IFITM10: variants seen among roughly 807,000 people sequenced by gnomAD.
IFITM10 encodes interferon induced transmembrane protein 10.
A neutral mutation model predicts 19.0 loss-of-function variants in IFITM10; 17 were observed. The ratio of observed to expected loss-of-function variants is 0.90; its 90% confidence interval spans 0.61 to 1.34. The LOEUF (loss-of-function observed/expected upper bound fraction) is 1.34, where lower values mean the gene tolerates loss of function less well. IFITM10 is among the 40% of genes most tolerant of loss of function. The probability of loss-of-function intolerance (pLI) is 0.00; values close to 1 mark genes in which losing one functional copy is unlikely to be tolerated. For synonymous variants in IFITM10, 148 were observed against 147.2 expected (o/e 1.01, Z -0.04); for missense variants, 306 against 319.8 (o/e 0.96, Z 0.33).
At chr11:1,743,689 C>T (rs756904157) in intron 2 of IFITM10, among the ~76,000 whole-genome samples, 6 of 152,134 alleles carry the variant, frequency 3.9e-5, no homozygotes, top group Non-Finnish European at 8.8e-5. Flanking sequence ...GCCTCCTGGG[C>T]TCACATCTAG....
Position 1,735,142 on chromosome 11 carries a change from G to A in IFITM10, c.*138C>T, listed in dbSNP as rs964259415. 5.9e-6 allele frequency: 5 copies of A among 852,902 alleles called. No individual in the cohort carries two copies. The East Asian group carries it at 1.1e-4, about 18-fold the overall frequency. 52.8% of individuals were successfully genotyped at this position (852,902 alleles called of 1,614,324 possible). A position where few individuals can be genotyped will look rare whatever the true frequency, so the allele number is the denominator to read the frequency against. ...GTACTCAGCTTCTGATGGCCTTGCT[G>A]CCCAGTTCACAGCTCAAGGGGGCCC... is the stretch of plus-strand genomic sequence containing the variant. On this transcript the variant is annotated 3_prime_UTR_variant, in exon 3 of 3. Coordinates refer to ENST00000340134, the MANE Select transcript of IFITM10 (RefSeq NM_001170820.4).
chr11:1,747,575 A>C (rs2133650412), intron 2 of IFITM10, 92 bp downstream of exon 2: 2 of 1,129,350 alleles, frequency 1.8e-6, no homozygotes, highest in East Asian at 5.1e-5. Context: ...CTCCCCTGAG[A>C]GGGAGAGGGG....
intron 2 of IFITM10, 50 bp from the exon 3 acceptor site, chr11:1,735,479 C>G (rs530011626): frequency 1.5e-5 from 23 of 1,527,366 alleles, no homozygotes; most frequent in African/African-American, 1.4e-4. Context: ...GGGAGCAGGG[C>G]CTTGGAGCAT....
chr11:1,747,856 C>T lies in IFITM10; in HGVS notation c.348G>A (p.Val116=). 6.5e-7 allele frequency: 1 copy of T among 1,540,748 alleles called. No homozygotes were observed. Among genetic ancestry groups the T allele is most frequent in the Non-Finnish European group, 8.8e-7 (1 of 1,140,818 alleles). Residue 116 remains valine, a synonymous_variant, in exon 2 of 3, where the codon GTG becomes GTA. Transcript: ENST00000340134. ...MESKSSKTDS[V]RAAGAPPACK... is the part of the protein sequence containing the mutation. ...AGGCAGGGGGCGCGCCGGCAGCCCG[C>T]ACGCTGTCGGTCTTGCTGCTCTTGG...
chr11:1,739,569 T>C (rs933639788), intron 2 of IFITM10, among the ~76,000 whole-genome samples: 4 of 152,028 alleles, frequency 2.6e-5, no homozygotes, highest in Non-Finnish European at 5.9e-5. Flanking sequence ...ATGTGCTCAG[T>C]GTGCTAAAAA....
At chr11:1,746,741 C>G (rs753060742) in intron 2 of IFITM10, 29 of 398,872 alleles carry the variant, frequency 7.3e-5, no homozygotes, top group Admixed American at 2.6e-4. Flanking sequence ...TCTTCTCCCC[C>G]ACCCGGCAGG....
At chr11:1,740,228 A>C (rs1845546674) in intron 2 of IFITM10, among the ~76,000 whole-genome samples, 1 of 138,918 alleles carries the variant, frequency 7.2e-6, no homozygotes, top group Non-Finnish European at 1.5e-5. Flanking sequence ...TGAACTCAGG[A>C]GGCGTAGGTT....
At chr11:1,742,051 A>G (rs1845574928) in intron 2 of IFITM10, among the ~76,000 whole-genome samples, 1 of 152,182 alleles carries the variant, frequency 6.6e-6, no homozygotes, top group African/African-American at 2.4e-5. Context: ...TAAACCAACT[A>G]ATCTATGATA....
intron 2 of IFITM10, among the ~76,000 whole-genome samples, chr11:1,743,939 C>T (rs1432267167): frequency 1.3e-5 from 2 of 152,216 alleles, no homozygotes; most frequent in African/African-American, 2.4e-5. Flanking sequence ...ACCGCACTGC[C>T]TCAGGCACTC....
chr11:1,738,997 T>C (rs1204238415), intron 2 of IFITM10, among the ~76,000 whole-genome samples: 1 of 130,390 alleles, frequency 7.7e-6, no homozygotes, highest in South Asian at 2.3e-4. Flanking sequence ...GAGGTTGCAG[T>C]GAGCTGAGAT....
intron 2 of IFITM10, chr11:1,745,229 T>TGCCAGCCG (rs935153356): frequency 1.3e-5 from 2 of 152,536 alleles, no homozygotes; most frequent in African/African-American, 4.8e-5. Context: ...GCCTGCCCCA[T>TGCCAGCCG]GCCAGCCGGC....
rs546327125 is a variant in IFITM10 at position 1,747,682 on chromosome 11, C to T, written c.522G>A (p.Leu174=). The change falls in exon 2 of 3, where the codon TTG becomes TTA. Residue 174 remains leucine (L), a synonymous_variant. Transcript: ENST00000340134. ...CCGGGCTCACTTTGAGGGAGTAGGC[C>T]AAGGCGATGAAGCCCAGGCAGCAGA... ...LNFCCLGFIA[L]AYSLKVRDKK... 26 of 1,551,722 alleles carry T rather than the reference C, an allele frequency of 1.7e-5. No homozygotes were observed. In the South Asian group the frequency reaches 2.6e-4, roughly 16 times the overall value.
intron 2 of IFITM10, among the ~76,000 whole-genome samples, chr11:1,736,183 G>A (rs1851084945): frequency 6.6e-6 from 1 of 152,224 alleles, no homozygotes; most frequent in African/African-American, 2.4e-5. Flanking sequence ...AATGGAAAGA[G>A]AGGAAGACAG....
At chr11:1,736,553 G>A (rs1351257797) in intron 2 of IFITM10, among the ~76,000 whole-genome samples, 1 of 152,080 alleles carries the variant, frequency 6.6e-6, no homozygotes, top group Non-Finnish European at 1.5e-5. Flanking sequence ...ATGAAGTGGA[G>A]CAAATGCAGT....
chr11:1,741,300 G>C (rs1845568059), intron 2 of IFITM10, among the ~76,000 whole-genome samples: 1 of 151,766 alleles, frequency 6.6e-6, no homozygotes, highest in Non-Finnish European at 1.5e-5. Context: ...GAGAAGAGTG[G>C]GCCAAGAAGC....
chr11:1,749,014 C>A, intron 1 of IFITM10: 1 of 1,070,668 alleles, frequency 9.3e-7, no homozygotes. Flanking sequence ...CGCCTCCTCA[C>A]CTACAAGCGA....
chr11:1,735,533 C>G, intron 2 of IFITM10, 104 bp from the exon 3 acceptor site: 1 of 1,018,586 alleles, frequency 9.8e-7, no homozygotes, highest in Non-Finnish European at 1.4e-6. Context: ...CAGCACAGTA[C>G]CAGTGCTTTG....
chr11:1,739,924 T>C (rs1205836644), intron 2 of IFITM10, among the ~76,000 whole-genome samples: 4 of 151,994 alleles, frequency 2.6e-5, no homozygotes, highest in Non-Finnish European at 5.9e-5. Flanking sequence ...GCAGGCTCTG[T>C]GGGTGCTTTT....
At position 1,735,544 on chromosome 11, in the gene IFITM10, T is replaced by C. The variant is rs1851078135; in HGVS notation, c.538-115A>G. On this transcript the variant is annotated intron_variant, in intron 2 of 2. Transcript: ENST00000340134. The stretch of plus-strand genomic sequence containing the variant: ...TGCTCAGCACAGTACCAGTGCTTTG[T>C]TTCCGAGAGCTGACGAATGAACGAT... 5 of 926,198 alleles carry C rather than the reference T, an allele frequency of 5.4e-6. No individual in the cohort carries two copies. The African/African-American group carries it at 6.8e-5, about 13-fold the overall frequency. The allele number at this position is 926,198 out of a possible 1,614,324, so 57.4% of individuals were successfully genotyped here.
Sources: allele counts gnomAD v4.1 joint callset (sites outside exome capture counted in the v4.1 genomes callset), GRCh38; gene constraint gnomAD v4.1.1; transcripts MANE v1.5; gene names NCBI Gene and HGNC (gene_info 2026-07-23, HGNC 2026-07-21).